Variants in CNOT3 observed in about 807,000 individuals in gnomAD.
CNOT3 encodes the protein CCR4-associated factor 3.
Under a neutral mutation model 89.4 loss-of-function variants are expected in CNOT3, and 2 were observed. The observed-to-expected ratio is 0.02, with a 90% CI of 0.01 to 0.07. The LOEUF (loss-of-function observed/expected upper bound fraction) is 0.07, where lower values mean the gene tolerates loss of function less well. Ranked by LOEUF, CNOT3 falls within the 10% of genes least tolerant of loss-of-function variation. CNOT3 has a pLI of 1.00. For missense variants in CNOT3, 664 were observed against 1,010.2 expected (o/e 0.66, Z 4.65); for synonymous variants, 486 against 402.0 (o/e 1.21, Z -2.50).
At chr19:54,154,148 TG>T in intron 17 of CNOT3, 2 of 578,106 alleles carry the variant, frequency 3.5e-6, no homozygotes, top group Non-Finnish European at 3.3e-6. Flanking sequence ...GCCTGGGGTG[TG>T]GGATTTTCCC....
At chr19:54,147,354 G>T (rs1232564609) in intron 10 of CNOT3, among the ~76,000 whole-genome samples, 3 of 152,192 alleles carry the variant, frequency 2.0e-5, no homozygotes, top group Non-Finnish European at 4.4e-5. Context: ...AGGCTGGTGT[G>T]GAGACTAAGG....
At chr19:54,142,831 C>G (rs767519678) in intron 1 of CNOT3, 98 bp from the exon 2 acceptor site, 8 of 760,142 alleles carry the variant, frequency 1.1e-5, no homozygotes, top group African/African-American at 6.8e-5. Flanking sequence ...CTTCTCTTTA[C>G]CAGTCCCACC....
chr19:54,148,570 C>CG lies in CNOT3; in HGVS notation c.1282+39dup. On this transcript the variant is annotated intron_variant, in intron 11 of 17. Transcript: ENST00000221232. This position sits in a 1 kb window ranked among gnomAD's most constrained non-coding sequence, Gnocchi z 6.3. ...GAGGCAGCGGGGTGGGGGGCGTGGG[C>CG]GGGGCTGGGCAGCAGGCAGCAGCCC... 6.9e-7 allele frequency: 1 copy of CG among 1,452,514 alleles called. No individual in the cohort carries two copies. Among genetic ancestry groups the CG allele is most frequent in the South Asian group, 1.2e-5 (1 of 85,320 alleles). 90.0% of individuals were successfully genotyped at this position (1,452,514 alleles called of 1,614,324 possible). A position where few individuals can be genotyped will look rare whatever the true frequency, so the allele number is the denominator to read the frequency against.
Position 54,152,459 on chromosome 19 carries a change from G to T in CNOT3, c.1737G>T (p.Pro579=), listed in dbSNP as rs768676574. The change falls in exon 15 of 18, where the codon CCG becomes CCT. Residue 579 remains proline, a synonymous_variant. Transcript: ENST00000221232. ...DIILSSTSAP[P]ASAQPPLQLS... ...TCCTGAGCAGTACATCAGCACCTCC[G>T]GCCTCAGCCCAGCCGCCCCTGCAGC... 3.1e-6 allele frequency: 5 copies of T among 1,614,142 alleles called. No individual in the cohort carries two copies. The highest frequency in any genetic ancestry group is 2.2e-5 in the South Asian group (2 of 91,088).
chr19:54,150,556 G>T (rs1431790275), intron 13 of CNOT3, among the ~76,000 whole-genome samples: 1 of 152,120 alleles, frequency 6.6e-6, no homozygotes, highest in East Asian at 1.9e-4. Flanking sequence ...TTCCATGGGG[G>T]GACCAGTGTG....
intron 1 of CNOT3, among the ~76,000 whole-genome samples, chr19:54,140,538 G>C (rs2074407334): frequency 6.6e-6 from 1 of 152,066 alleles, no homozygotes; most frequent in Non-Finnish European, 1.5e-5. Flanking sequence ...TCCTTTGCTG[G>C]GGGGACCAGA....
chr19:54,155,543 C>T lies in CNOT3; in HGVS notation c.*136C>T. On this transcript the variant is annotated 3_prime_UTR_variant, in exon 18 of 18. Transcript: ENST00000221232. ...CCTCTCCCAGGAAGCAGGGAGGGGG[C>T]CGGGAGGTTTTCCTCTCAGCCCCAC... 1 of 910,122 alleles carries T rather than the reference C, an allele frequency of 1.1e-6. No homozygotes were observed. The highest frequency in any genetic ancestry group is 1.6e-6 in the Non-Finnish European group (1 of 610,184). The allele number at this position is 910,122 out of a possible 1,614,324, so 56.4% of individuals were successfully genotyped here. A position where few individuals can be genotyped will look rare whatever the true frequency, so the allele number is the denominator to read the frequency against.
chr19:54,146,951 C>T (rs2074707145), intron 10 of CNOT3, among the ~76,000 whole-genome samples: 1 of 152,140 alleles, frequency 6.6e-6, no homozygotes, highest in Non-Finnish European at 1.5e-5. Flanking sequence ...AGGTGGCAGC[C>T]AGTAACATGG....
chr19:54,155,441 C>G lies in CNOT3; in HGVS notation c.*34C>G. 7.0e-7 allele frequency: 1 copy of G among 1,420,050 alleles called. No individual in the cohort carries two copies. The highest frequency in any genetic ancestry group is 9.7e-7 in the Non-Finnish European group (1 of 1,029,780). The allele number at this position is 1,420,050 out of a possible 1,614,324, so 88.0% of individuals were successfully genotyped here. A position where few individuals can be genotyped will look rare whatever the true frequency, so the allele number is the denominator to read the frequency against. On this transcript the variant is annotated 3_prime_UTR_variant, in exon 18 of 18. Transcript: ENST00000221232. ...CCTCCCTCTACCCACCCCCTTCCCC[C>G]GCATGCTGATCCCCCTGCCCAGGTG...
chr19:54,148,461 G>A lies in CNOT3; in HGVS notation c.1208G>A (p.Ser403Asn). 2.6e-6 allele frequency: 4 copies of A among 1,562,348 alleles called. No homozygotes were observed. The highest frequency in any genetic ancestry group is 3.5e-6 in the Non-Finnish European group (4 of 1,151,500). ...VQPSGGGGGG[S>N]GGGGSSSSSN... Reference sequence around the variant, plus strand: ...CCTAGCGGAGGCGGAGGCGGCGGCAGCGGAGGCGGAGGGAGCAGCAGCAGT... The same window carrying A: ...CCTAGCGGAGGCGGAGGCGGCGGCAACGGAGGCGGAGGGAGCAGCAGCAGT... The change falls in exon 11 of 18, where the codon AGC (serine) becomes AAC (asparagine). Residue 403 changes from serine (S) to asparagine (N), a missense_variant. Ser to Asn is a conservative substitution (Grantham distance 46). Transcript: ENST00000221232. This position sits in a 1 kb window ranked among gnomAD's most constrained non-coding sequence, Gnocchi z 6.3.
intron 17 of CNOT3, 113 bp from the exon 18 acceptor site, chr19:54,155,196 C>G (rs2075345693): frequency 3.1e-6 from 4 of 1,293,126 alleles, no homozygotes; most frequent in Admixed American, 2.1e-5. Flanking sequence ...GGGCAGCTGG[C>G]CCGGTGCCTG....
rs1158067841 is a variant in CNOT3 at position 54,137,806 on chromosome 19, C to G, written c.-238C>G. 6.6e-6 allele frequency: 1 copy of G among 152,112 alleles called. No individual in the cohort carries two copies. Among genetic ancestry groups the G allele is most frequent in the East Asian group, 1.9e-4 (1 of 5,166 alleles). 9.4% of individuals were successfully genotyped at this position (152,112 alleles called of 1,614,324 possible). A position where few individuals can be genotyped will look rare whatever the true frequency, so the allele number is the denominator to read the frequency against. On this transcript the variant is annotated 5_prime_UTR_variant, in exon 1 of 18. Transcript: ENST00000221232. ...CAGCTTCCGCGGAGCCATCGGCAGA[C>G]GCCGCGGCCTCCCTTGAGCCCCGAC...
rs372481652 is a variant in CNOT3, at chr19:54,148,236, C to G, written c.983C>G (p.Pro328Arg). ...AVPPTYPSGP[P>R]PAASALSTTP... is the part of the protein sequence containing the mutation. The stretch of plus-strand genomic sequence containing the variant: ...CCGCCCACCTACCCCTCCGGCCCCC[C>G]GCCTGCTGCCTCTGCCTTGAGCACC... The change falls in exon 11 of 18, where the codon CCG becomes CGG. Residue 328 changes from proline (P) to arginine (R), a missense_variant. Pro to Arg is a moderately radical substitution (Grantham distance 103). Around this residue, in one of 8 missense-constraint regions of CNOT3, gnomAD observed 545 missense variants for 566.2 expected, o/e 0.96. Coordinates refer to ENST00000221232, the MANE Select transcript of CNOT3 (RefSeq NM_014516.4). This position sits in a 1 kb window ranked among gnomAD's most constrained non-coding sequence, Gnocchi z 6.3. 6.2e-7 allele frequency: 1 copy of G among 1,600,808 alleles called. No homozygotes were observed. Among genetic ancestry groups the G allele is most frequent in the Non-Finnish European group, 8.5e-7 (1 of 1,173,206 alleles).
chr19:54,143,399 C>T, intron 3 of CNOT3, 43 bp from the exon 4 acceptor site: 3 of 1,571,418 alleles, frequency 1.9e-6, no homozygotes, highest in Middle Eastern at 1.8e-4. Flanking sequence ...GGTACTGGGA[C>T]ATCCCCTCCC....
At chr19:54,147,453 G>T (rs2074742698) in intron 10 of CNOT3, among the ~76,000 whole-genome samples, 1 of 152,186 alleles carries the variant, frequency 6.6e-6, no homozygotes, top group Admixed American at 6.5e-5. Flanking sequence ...GCCAGGCTGG[G>T]CTCTGCCACC....
chr19:54,155,540 G>A lies in CNOT3; in HGVS notation c.*133G>A. ...CCCCCTCTCCCAGGAAGCAGGGAGG[G>A]GGCCGGGAGGTTTTCCTCTCAGCCC... On this transcript the variant is annotated 3_prime_UTR_variant, in exon 18 of 18. Coordinates refer to ENST00000221232, the MANE Select transcript of CNOT3 (RefSeq NM_014516.4). 5.5e-6 allele frequency: 5 copies of A among 906,344 alleles called. No individual in the cohort carries two copies. 56.1% of individuals were successfully genotyped at this position (906,344 alleles called of 1,614,324 possible).
At chr19:54,151,045 CCTCCCAAA>C (rs2075068419) in intron 13 of CNOT3, among the ~76,000 whole-genome samples, 3 of 152,166 alleles carry the variant, frequency 2.0e-5, no homozygotes, top group African/African-American at 7.2e-5. Context: ...CCCACCTTGA[CCTCCCAAA>C]GTGCTGGGAT....
At chr19:54,154,050 A>G (rs1414216108) in intron 17 of CNOT3, 3 of 732,492 alleles carry the variant, frequency 4.1e-6, no homozygotes, top group Non-Finnish European at 7.5e-6. Context: ...GGCCTCCTGT[A>G]GGTCTCAGCC....
Position 54,145,892 on chromosome 19 carries a change from C to T in CNOT3, c.704-18C>T, listed in dbSNP as rs753285609. 3.1e-6 allele frequency: 5 copies of T among 1,613,024 alleles called. No individual in the cohort carries two copies. In the East Asian group the frequency reaches 6.7e-5, roughly 22 times the overall value. ...GCTGTGTGAGCCAGCTAAGCATGCCCTTCTTCTGCCCCCACAGCACAGGCG... is the reference window on the plus strand; with the variant it reads ...GCTGTGTGAGCCAGCTAAGCATGCCTTTCTTCTGCCCCCACAGCACAGGCG... On this transcript the variant is annotated intron_variant, in intron 8 of 17. Transcript: ENST00000221232. This position sits in a 1 kb window ranked among gnomAD's most constrained non-coding sequence, Gnocchi z 5.9.
Sources: gnomAD v4.1 joint callset for allele counts (sites outside exome capture counted in the v4.1 genomes callset) on GRCh38, gnomAD v4.1.1 for gene constraint, gnomAD v4.1.1 regional missense constraint, Gnocchi (gnomAD v3.1) non-coding constraint, MANE v1.5 for transcripts, NCBI Gene and HGNC (gene_info 2026-07-23, HGNC 2026-07-21) for gene names.